The following SLC25A30 variants were observed in gnomAD, a reference collection of about 807,000 sequenced individuals.
SLC25A30 encodes solute carrier family 25 member 30.
SLC25A30 carries 29 observed loss-of-function variants against 42.7 expected under a neutral mutation model. The observed-to-expected ratio is 0.68, with a 90% CI of 0.51 to 0.93. The LOEUF is 0.93. SLC25A30 is among the 40% of genes least tolerant of loss of function. The pLI is 0.00. For missense variants in SLC25A30, 300 were observed against 359.7 expected (o/e 0.83, Z 1.34); for synonymous variants, 124 against 131.0 (o/e 0.95, Z 0.37).
intron 5 of SLC25A30, among the ~76,000 whole-genome samples, chr13:45,403,951 A>G (rs575363734): frequency 6.6e-6 from 1 of 152,182 alleles, no homozygotes; most frequent in Admixed American, 6.5e-5. Flanking sequence ...AAAAAAAAAA[A>G]AAAGATGGAT....
the SLC25A30 span, among the ~76,000 whole-genome samples, chr13:45,430,214 A>T: frequency 6.6e-6 from 1 of 151,930 alleles, no homozygotes; most frequent in Non-Finnish European, 1.5e-5. Flanking sequence ...AAAATATGTG[A>T]TGTAATTATA....
chr13:45,417,717 A>G (rs1024287380), intron 1 of SLC25A30, among the ~76,000 whole-genome samples: 3 of 152,156 alleles, frequency 2.0e-5, no homozygotes, highest in African/African-American at 7.2e-5. Context: ...ATTGTTTGCT[A>G]CTCTTGCGCA....
chr13:45,403,936 C>G (rs897334078), intron 5 of SLC25A30, among the ~76,000 whole-genome samples: 1 of 80,742 alleles, frequency 1.2e-5, no homozygotes, highest in Non-Finnish European at 2.7e-5. Flanking sequence ...GACTCCATCT[C>G]AAAAAAAAAA....
the SLC25A30 span, among the ~76,000 whole-genome samples, chr13:45,424,570 A>AAAT: frequency 9.8e-4 from 27 of 27,448 alleles, no homozygotes; most frequent in Admixed American, 3.1e-3. Context: ...TAAATGTATA[A>AAAT]ATATATAAAT....
Position 45,393,733 on chromosome 13 carries a change from A to G in SLC25A30, c.*2241T>C. ...TGCATTAACTCTTTCAAAAAAACAG[A>G]AAAAGCAGGTTAAGATCCTGTTCAA... On this transcript the variant is annotated 3_prime_UTR_variant, in exon 10 of 10. Transcript: ENST00000519676. The G allele has an allele frequency of 1.0e-6, 1 of 985,444 alleles. No individual in the cohort carries two copies. The highest frequency in any genetic ancestry group is 1.2e-6 in the Non-Finnish European group (1 of 829,908). 61.0% of individuals were successfully genotyped at this position (985,444 alleles called of 1,614,324 possible). A position where few individuals can be genotyped will look rare whatever the true frequency, so the allele number is the denominator to read the frequency against.
intron 9 of SLC25A30, 159 bp downstream of exon 9, chr13:45,397,099 A>C (rs1156305293): frequency 4.8e-6 from 3 of 623,116 alleles, no homozygotes; most frequent in Non-Finnish European, 8.4e-6. Context: ...GAGACTTTAC[A>C]CTTCCTAAAA....
Position 45,398,964 on chromosome 13 carries a change from T to C in SLC25A30, c.729A>G (p.Thr243=). 2 of 1,614,154 alleles carry C rather than the reference T, an allele frequency of 1.2e-6. No individual in the cohort carries two copies. The highest frequency in any genetic ancestry group is 1.7e-5 in the Admixed American group (1 of 60,012). The change falls in exon 8 of 10, where the codon ACA becomes ACG. Residue 243 remains threonine, a synonymous_variant. Transcript: ENST00000519676. ...VLRDGRCSGY[T]GTLDCLLQTW... is the part of the protein sequence containing the mutation. The stretch of plus-strand genomic sequence containing the variant: ...CCTGTAACAAGCAATCCAGGGTTCC[T>C]GTGTAGCCAGAACATCTGCCATCTC...
the SLC25A30 span, among the ~76,000 whole-genome samples, chr13:45,427,960 C>A: frequency 6.6e-6 from 1 of 151,946 alleles, no homozygotes; most frequent in Non-Finnish European, 1.5e-5. Context: ...CCAGGCTGGT[C>A]TTGAACTCCT....
the SLC25A30 span, among the ~76,000 whole-genome samples, chr13:45,425,348 C>G: frequency 1.0e-5 from 1 of 99,564 alleles, no homozygotes; most frequent in African/African-American, 4.1e-5. Flanking sequence ...GTATATATAA[C>G]TATATGTAAG....
upstream of SLC25A30, among the ~76,000 whole-genome samples, chr13:45,419,853 C>T (rs1263721965): frequency 2.0e-5 from 3 of 149,208 alleles, no homozygotes; most frequent in Non-Finnish European, 4.4e-5. Flanking sequence ...TCAGTTGAAG[C>T]TGGGAGGTGG....
chr13:45,402,539 G>T (rs1025471276), intron 5 of SLC25A30, among the ~76,000 whole-genome samples, 169 bp from the exon 6 acceptor site: 1 of 152,094 alleles, frequency 6.6e-6, no homozygotes, highest in Non-Finnish European at 1.5e-5. Flanking sequence ...TGACTAAAAC[G>T]TATAAAAATT....
At chr13:45,423,260 GC>G (rs1356501674), upstream of SLC25A30, among the ~76,000 whole-genome samples, 1 of 151,774 alleles carries the variant, frequency 6.6e-6, no homozygotes, top group Non-Finnish European at 1.5e-5. Context: ...TGTAAGTCCT[GC>G]TAAAAAGTAC....
At chr13:45,413,115 GTTTATGGATA>G (rs747287140) in intron 1 of SLC25A30, among the ~76,000 whole-genome samples, 2 of 152,092 alleles carry the variant, frequency 1.3e-5, no homozygotes, top group Non-Finnish European at 2.9e-5. Context: ...ATTATTCCTT[GTTTATGGATA>G]TTAACCAAAT....
rs1881180253 is a variant in SLC25A30 at position 45,394,627 on chromosome 13, G to A, written c.*1347C>T. The A allele has an allele frequency of 2.0e-6, 2 of 985,146 alleles. No individual in the cohort carries two copies. Among genetic ancestry groups the A allele is most frequent in the Non-Finnish European group, 2.4e-6 (2 of 829,918 alleles). The allele number at this position is 985,146 out of a possible 1,614,324, so 61.0% of individuals were successfully genotyped here. A position where few individuals can be genotyped will look rare whatever the true frequency, so the allele number is the denominator to read the frequency against. Reference sequence around the variant, plus strand: ...TCATCTTTTATTTTGAAAAGACTAAGATGAAGACAAGAAGGAAGAGGGCTC... The same window carrying A: ...TCATCTTTTATTTTGAAAAGACTAAAATGAAGACAAGAAGGAAGAGGGCTC... On this transcript the variant is annotated 3_prime_UTR_variant, in exon 10 of 10. Coordinates refer to ENST00000519676, the MANE Select transcript of SLC25A30 (RefSeq NM_001010875.4).
At chr13:45,430,826 A>T in the SLC25A30 span, among the ~76,000 whole-genome samples, 3 of 152,008 alleles carry the variant, frequency 2.0e-5, no homozygotes, top group African/African-American at 4.8e-5. Flanking sequence ...TTGATTTTTT[A>T]AAATTTAGTT....
chr13:45,425,586 A>G, the SLC25A30 span, among the ~76,000 whole-genome samples: 3 of 61,014 alleles, frequency 4.9e-5, no homozygotes, highest in African/African-American at 2.3e-4. Context: ...ATATATATAA[A>G]TATATATATA....
intron 9 of SLC25A30, 195 bp from the exon 10 acceptor site, chr13:45,396,210 C>T (rs766340964): frequency 1.3e-4 from 190 of 1,448,918 alleles, no homozygotes; most frequent in Non-Finnish European, 1.6e-4. Flanking sequence ...GCAGAAAGAT[C>T]ACAGCTGAGA....
At position 45,398,083 on chromosome 13, in the gene SLC25A30, T is replaced by C. The variant is rs968620606; in HGVS notation, c.754-745A>G. On this transcript the variant is annotated intron_variant, in intron 8 of 9. Coordinates refer to ENST00000519676, the MANE Select transcript of SLC25A30 (RefSeq NM_001010875.4). ...GCAACACCTGAAGAATAAAATGTGC[T>C]AGTGTCATGTTGGAAAACAGGAACC... is the stretch of plus-strand genomic sequence containing the variant. 18 of 984,822 alleles carry C rather than the reference T, an allele frequency of 1.8e-5. 1 individual carries two copies. In the African/African-American group the frequency reaches 2.8e-4, roughly 15 times the overall value. 61.0% of individuals were successfully genotyped at this position (984,822 alleles called of 1,614,324 possible). A position where few individuals can be genotyped will look rare whatever the true frequency, so the allele number is the denominator to read the frequency against.
At position 45,395,580 on chromosome 13, in the gene SLC25A30, A is replaced by G; in HGVS notation, c.*394T>C. ...AACACCTTCTCGGAGGCTCCATTCC[A>G]TGGTTCCAGTGAGCTTTTCTAGAGC... On this transcript the variant is annotated 3_prime_UTR_variant, in exon 10 of 10. Transcript: ENST00000519676. The G allele has an allele frequency of 2.8e-6, 3 of 1,087,286 alleles. No individual in the cohort carries two copies. The highest frequency in any genetic ancestry group is 3.4e-6 in the Non-Finnish European group (3 of 889,772). 67.4% of individuals were successfully genotyped at this position (1,087,286 alleles called of 1,614,324 possible). A position where few individuals can be genotyped will look rare whatever the true frequency, so the allele number is the denominator to read the frequency against.
Sources: gnomAD v4.1 joint callset for allele counts (sites outside exome capture counted in the v4.1 genomes callset) on GRCh38, gnomAD v4.1.1 for gene constraint, MANE v1.5 for transcripts, NCBI Gene and HGNC (gene_info 2026-07-23, HGNC 2026-07-21) for gene names.